Variants in CLN3 observed in about 807,000 individuals in gnomAD.
The protein encoded by CLN3 is CLN3 lysosomal/endosomal transmembrane protein, battenin.
CLN3 carries 49 observed loss-of-function variants against 60.7 expected under a neutral mutation model. That is an observed-to-expected ratio of 0.81 (90% CI 0.64 to 1.02). CLN3 has a LOEUF of 1.02. CLN3 is among the 50% of genes least tolerant of loss of function. The pLI is 0.00. For synonymous variants in CLN3, 256 were observed against 245.8 expected, an observed-to-expected ratio of 1.04 and a Z score of -0.39; for missense variants, 516 against 557.4, an observed-to-expected ratio of 0.93 and a Z score of 0.75.
downstream of CLN3, among the ~76,000 whole-genome samples, chr16:28,473,800 G>A (rs1274426968): frequency 6.6e-6 from 1 of 152,136 alleles, no homozygotes; most frequent in Non-Finnish European, 1.5e-5. Context: ...AAGGATCTGA[G>A]AAGACATTTC....
chr16:28,485,670 T>C (rs1261994278), intron 9 of CLN3, among the ~76,000 whole-genome samples: 8 of 129,604 alleles, frequency 6.2e-5, no homozygotes, highest in Admixed American at 5.9e-4. Flanking sequence ...GAGGCCAACC[T>C]GGTCAACACT....
intron 9 of CLN3, among the ~76,000 whole-genome samples, chr16:28,485,560 A>G (rs2046194602): frequency 8.5e-6 from 1 of 118,122 alleles, no homozygotes; most frequent in Admixed American, 1.1e-4. Context: ...TGACACCATG[A>G]GACTCCGTCT....
At chr16:28,478,721 G>C (rs2141696295) in intron 14 of CLN3, among the ~76,000 whole-genome samples, 1 of 151,970 alleles carries the variant, frequency 6.6e-6, no homozygotes, top group East Asian at 1.9e-4. Context: ...GTTTGGTGCT[G>C]GTTGTTCTGC....
rs755660742 is a variant in CLN3, at chr16:28,483,713, C to CTTTTTT, written c.790+287_790+292dup. 8.9e-4 allele frequency among the ~76,000 whole-genome samples: 89 copies of CTTTTTT among 100,530 alleles called. 2 individuals are homozygous for CTTTTTT. The highest frequency in any genetic ancestry group is 1.1e-3 in the Non-Finnish European group (61 of 53,896). 66.0% of individuals were successfully genotyped at this position (100,530 alleles called of 152,430 possible). A position where few individuals can be genotyped will look rare whatever the true frequency, so the allele number is the denominator to read the frequency against. On this transcript the variant is annotated intron_variant, in intron 10 of 15. Coordinates refer to ENST00000636147, the MANE Select transcript of CLN3 (RefSeq NM_001042432.2). ...CTCCCTCCCTTCCTTCCTTTCTTTT[C>CTTTTTT]TTTTTTTTTTTTTTTTTTTTTTTTT...
chr16:28,470,686 G>A (rs1456308111), downstream of CLN3: 16 of 554,428 alleles, frequency 2.9e-5, no homozygotes, highest in Non-Finnish European at 4.8e-5. Flanking sequence ...AGGAGGAGAA[G>A]GGGGCTGTTG....
At position 28,479,590 on chromosome 16, in the gene CLN3, AAAAAC is replaced by A. The variant is rs368201543; in HGVS notation, c.1057-1718_1057-1714del. On this transcript the variant is annotated intron_variant, in intron 14 of 15. Coordinates refer to ENST00000636147, the MANE Select transcript of CLN3 (RefSeq NM_001042432.2). ...CTACAAGAGCAAAACTCTGTCTCTA[AAAAAC>A]AAAACAAAACAAAACAAAACAAAAA... 199 of 157,508 alleles carry A rather than the reference AAAAAC, an allele frequency of 1.3e-3. 1 individual carries two copies. The highest frequency in any genetic ancestry group is 6.6e-3 in the Middle Eastern group (2 of 304). The allele number at this position is 157,508 out of a possible 1,614,324, so 9.8% of individuals were successfully genotyped here.
downstream of CLN3, among the ~76,000 whole-genome samples, chr16:28,470,757 A>C (rs2045944735): frequency 6.6e-6 from 1 of 150,516 alleles, no homozygotes; most frequent in African/African-American, 2.4e-5. Flanking sequence ...ATCCGGTTCA[A>C]ATTAAGTTCT....
At chr16:28,480,473 T>C (rs191155719) in intron 14 of CLN3, among the ~76,000 whole-genome samples, 85 of 152,160 alleles carry the variant, frequency 5.6e-4, no homozygotes, top group African/African-American at 2.0e-3. Context: ...CAATCTCGGC[T>C]CACTGCAACC....
chr16:28,472,524 C>T (rs752697849), downstream of CLN3, among the ~76,000 whole-genome samples: 1 of 151,932 alleles, frequency 6.6e-6, no homozygotes, highest in Non-Finnish European at 1.5e-5. Flanking sequence ...AATGTAAGAG[C>T]TAAAACTATA....
downstream of CLN3, among the ~76,000 whole-genome samples, chr16:28,472,916 C>A (rs902053000): frequency 1.3e-5 from 2 of 151,274 alleles, no homozygotes; most frequent in East Asian, 2.0e-4. Context: ...GGATTACAGG[C>A]GTGAGCCACT....
intron 14 of CLN3, chr16:28,479,765 T>C: frequency 9.3e-6 from 2 of 216,214 alleles, no homozygotes; most frequent in Non-Finnish European, 9.8e-6. Context: ...CGAGACTCCA[T>C]CTCAAAAAAC....
rs565767570 is a variant in CLN3, at chr16:28,492,037, T to C, written c.-94A>G. On this transcript the variant is annotated 5_prime_UTR_variant, in exon 1 of 16. Transcript: ENST00000636147. Reference sequence around the variant, plus strand: ...GCCTGTACCTTTAAGAGCAGCAGAATGTTCTGCACTATGCAGAGGCCGTTT... The same window carrying C: ...GCCTGTACCTTTAAGAGCAGCAGAACGTTCTGCACTATGCAGAGGCCGTTT... 5 of 571,212 alleles carry C rather than the reference T, an allele frequency of 8.8e-6. No homozygotes were observed. The highest frequency in any genetic ancestry group is 1.6e-5 in the Non-Finnish European group (5 of 318,460). The allele number at this position is 571,212 out of a possible 1,614,324, so 35.4% of individuals were successfully genotyped here. A position where few individuals can be genotyped will look rare whatever the true frequency, so the allele number is the denominator to read the frequency against.
At chr16:28,478,927 G>A (rs901468331) in intron 14 of CLN3, among the ~76,000 whole-genome samples, 3 of 152,100 alleles carry the variant, frequency 2.0e-5, no homozygotes, top group South Asian at 2.1e-4. Context: ...GGGAGTAGCC[G>A]GGCATCCTAT....
chr16:28,477,444 G>C lies in CLN3; in HGVS notation c.*72C>G. On this transcript the variant is annotated 3_prime_UTR_variant, in exon 16 of 16. Transcript: ENST00000636147. ...AGCACAGTTCATGGAGGGTCTCTGG[G>C]GTGGGCCTGGGTGTCTGACCTGTCC... is the stretch of plus-strand genomic sequence containing the variant. The C allele has an allele frequency of 6.3e-7, 1 of 1,597,192 alleles. No homozygotes were observed. Among genetic ancestry groups the C allele is most frequent in the African/African-American group, 1.3e-5 (1 of 74,720 alleles).
chr16:28,470,037 G>T (rs1459692551), downstream of CLN3, among the ~76,000 whole-genome samples: 1 of 145,728 alleles, frequency 6.9e-6, no homozygotes, highest in Non-Finnish European at 1.5e-5. Flanking sequence ...CTTTGTTTTG[G>T]TCCATTTTGT....
downstream of CLN3, chr16:28,469,750 G>T: frequency 5.1e-6 from 2 of 395,400 alleles, no homozygotes; most frequent in East Asian, 7.7e-5. Flanking sequence ...GCACTGGGAG[G>T]CCGAGGCAGG....
chr16:28,479,768 C>G, intron 14 of CLN3: 1 of 216,608 alleles, frequency 4.6e-6, no homozygotes, highest in Admixed American at 5.2e-5. Flanking sequence ...GACTCCATCT[C>G]AAAAAACAAA....
intron 9 of CLN3, 46 bp downstream of exon 9, chr16:28,486,300 GT>G (rs1195440993): frequency 4.5e-5 from 72 of 1,609,344 alleles, no homozygotes; most frequent in Non-Finnish European, 5.9e-5. Flanking sequence ...CCATGGCCAA[GT>G]TTTCTCTCCT....
chr16:28,467,288 CCACT>C, the CLN3 span, among the ~76,000 whole-genome samples: 1 of 98,044 alleles, frequency 1.0e-5, no homozygotes, highest in African/African-American at 3.3e-5. Context: ...GAGTTCCGCT[CCACT>C]CAGTCGCCCA....
Sources: allele counts gnomAD v4.1 joint callset (sites outside exome capture counted in the v4.1 genomes callset), GRCh38; gene constraint gnomAD v4.1.1; transcripts MANE v1.5; gene names NCBI Gene and HGNC (gene_info 2026-07-23, HGNC 2026-07-21).